RARB: variants seen among roughly 807,000 people sequenced by gnomAD.
RARB encodes HBV-activated protein.
A neutral mutation model predicts 51.9 loss-of-function variants in RARB; 17 were observed. The observed-to-expected ratio is 0.33, with a 90% confidence interval of 0.22 to 0.49. RARB has a LOEUF of 0.49. RARB is among the 20% of genes least tolerant of loss of function. The pLI is 0.99. For synonymous variants in RARB, 215 were observed against 195.4 expected (o/e 1.10, Z -0.84); for missense variants, 369 against 550.8 (o/e 0.67, Z 3.30).
chr3:25,140,725 A>G (rs1008594415), intron 4 of RARB, among the ~76,000 whole-genome samples: 1 of 152,210 alleles, frequency 6.6e-6, no homozygotes, highest in African/African-American at 2.4e-5. Flanking sequence ...ACAGCATTGC[A>G]TGTTACAGAG....
chr3:25,127,575 C>T (rs1306675434), intron 3 of RARB, among the ~76,000 whole-genome samples: 1 of 152,080 alleles, frequency 6.6e-6, no homozygotes, highest in Non-Finnish European at 1.5e-5. Context: ...TGGCTTCCCA[C>T]TACCACACTA....
At chr3:24,916,168 G>A (rs1215668781) in intron 2 of RARB, among the ~76,000 whole-genome samples, 2 of 152,128 alleles carry the variant, frequency 1.3e-5, no homozygotes, top group Non-Finnish European at 1.5e-5. Context: ...AAGACTCACA[G>A]AAAGCAGTAG....
At position 24,997,677 on chromosome 3, in the gene RARB, G is replaced by A. The variant is rs144170680; in HGVS notation, c.-379-62448G>A. On this transcript the variant is annotated intron_variant, in intron 2 of 11. Transcript: ENST00000383772. Reference sequence around the variant, plus strand: ...TAGTATTACAGGCGTGAGCCACTGCGCCCGACCTGATTTACTTTTTAATAT... The same window carrying A: ...TAGTATTACAGGCGTGAGCCACTGCACCCGACCTGATTTACTTTTTAATAT... 3.7e-3 allele frequency among the ~76,000 whole-genome samples: 564 copies of A among 152,060 alleles called. 3 individuals carry two copies. The highest frequency in any genetic ancestry group is 0.013 in the African/African-American group (535 of 41,504).
intron 2 of RARB, among the ~76,000 whole-genome samples, chr3:24,862,342 G>C (rs889162799): frequency 3.3e-5 from 5 of 152,150 alleles, no homozygotes; most frequent in African/African-American, 1.2e-4. Flanking sequence ...TCAAGGAAAC[G>C]AATGTCCAAA....
chr3:25,199,583 C>G (rs1015369814), intron 5 of RARB, among the ~76,000 whole-genome samples: 3 of 152,046 alleles, frequency 2.0e-5, no homozygotes, highest in African/African-American at 2.4e-5. Flanking sequence ...GGTATATTTC[C>G]TAATGCTATC....
At chr3:25,513,131 A>AC (rs1383687072) in intron 3 of RARB, among the ~76,000 whole-genome samples, 1 of 150,890 alleles carries the variant, frequency 6.6e-6, no homozygotes, top group Non-Finnish European at 1.5e-5. Context: ...AAAAAAAAAA[A>AC]AAAAAAGTAG....
chr3:25,017,218 C>CG (rs935751376), intron 2 of RARB, among the ~76,000 whole-genome samples: 1 of 148,292 alleles, frequency 6.7e-6, no homozygotes, highest in Admixed American at 6.7e-5. Context: ...GCTTTCCCCC[C>CG]CCCTTTCAGA....
chr3:24,885,630 G>A (rs1012852714), intron 2 of RARB, among the ~76,000 whole-genome samples: 1 of 152,140 alleles, frequency 6.6e-6, no homozygotes, highest in African/African-American at 2.4e-5. Context: ...AGAAATTTCA[G>A]AATCCTAATT....
At chr3:24,855,978 C>A (rs1319151899) in intron 1 of RARB, among the ~76,000 whole-genome samples, 2 of 152,030 alleles carry the variant, frequency 1.3e-5, no homozygotes, top group Admixed American at 1.3e-4. Context: ...TCTCAATCTC[C>A]TGACCTTGTG....
chr3:25,337,303 T>C (rs1317728270), intron 5 of RARB, among the ~76,000 whole-genome samples: 1 of 152,200 alleles, frequency 6.6e-6, no homozygotes, highest in African/African-American at 2.4e-5. Context: ...AAGTATTGTA[T>C]GTATAAACAT....
rs576161006 is a variant in RARB at position 24,850,746 on chromosome 3, G to T, written c.-458-7928G>T. 2.0e-5 allele frequency among the ~76,000 whole-genome samples: 3 copies of T among 152,284 alleles called. No individual in the cohort carries two copies. In the East Asian group the frequency reaches 5.8e-4, roughly 29 times the overall value. ...CTAAAGTTAATAACCTAGCGCATAGGAATCACCTGAGAGACTGTTCAAATG... is the reference window on the plus strand; with the variant it reads ...CTAAAGTTAATAACCTAGCGCATAGTAATCACCTGAGAGACTGTTCAAATG... On this transcript the variant is annotated intron_variant, in intron 1 of 11. Transcript: ENST00000383772.
At chr3:25,062,216 G>T (rs114731357) in intron 3 of RARB, among the ~76,000 whole-genome samples, 4,716 of 151,624 alleles carry the variant, frequency 0.031, 112 homozygotes, top group Non-Finnish European at 0.05. Context: ...AAATAGCGAC[G>T]GCCAGTAAAG....
chr3:25,589,454 A>G (rs1251541966), intron 5 of RARB, among the ~76,000 whole-genome samples: 4 of 152,224 alleles, frequency 2.6e-5, no homozygotes, highest in African/African-American at 9.6e-5. Flanking sequence ...ATTTTGGACA[A>G]CATGCTCTGG....
At chr3:24,995,272 T>TA (rs1696997846) in intron 2 of RARB, among the ~76,000 whole-genome samples, 1 of 151,836 alleles carries the variant, frequency 6.6e-6, no homozygotes, top group African/African-American at 2.4e-5. Context: ...GCCTTTTTTA[T>TA]GTCTTTTTTT....
intron 3 of RARB, among the ~76,000 whole-genome samples, chr3:25,090,870 G>T (rs1056305058): frequency 5.3e-5 from 8 of 152,024 alleles, no homozygotes; most frequent in African/African-American, 1.9e-4. Context: ...TTCATGTGGG[G>T]GAAAGAGATG....
At chr3:25,529,083 T>G (rs945248198) in intron 3 of RARB, among the ~76,000 whole-genome samples, 2 of 151,764 alleles carry the variant, frequency 1.3e-5, no homozygotes, top group Non-Finnish European at 2.9e-5. Context: ...AGATGAGGAG[T>G]AATTAGAATA....
chr3:24,948,689 TG>T (rs1390890011), intron 2 of RARB, among the ~76,000 whole-genome samples: 4 of 152,138 alleles, frequency 2.6e-5, no homozygotes. Context: ...GGGAGGGGAT[TG>T]GATCGTGGGG....
chr3:25,336,971 G>A lies in RARB; in HGVS notation c.179-124222G>A, dbSNP rs138738631. ...ATGAAGCTGGGCAGAGTGTGTGGACGAGTTCAATAATTATTTATAAATCGC... is the reference window on the plus strand; with the variant it reads ...ATGAAGCTGGGCAGAGTGTGTGGACAAGTTCAATAATTATTTATAAATCGC... On this transcript the variant is annotated intron_variant, in intron 5 of 11. Transcript: ENST00000383772. Among the ~76,000 whole-genome samples the A allele has an allele frequency of 6.8e-4, 104 of 152,204 alleles. No individual in the cohort carries two copies. The East Asian group carries it at 9.1e-3, about 13-fold the overall frequency.
chr3:25,197,653 A>G (rs1701278859), intron 5 of RARB, among the ~76,000 whole-genome samples: 2 of 152,012 alleles, frequency 1.3e-5, no homozygotes, highest in Non-Finnish European at 2.9e-5. Flanking sequence ...TAGCAAAAAA[A>G]CTTGAAAAGG....
Sources: allele counts gnomAD v4.1 joint callset (sites outside exome capture counted in the v4.1 genomes callset), GRCh38; gene constraint gnomAD v4.1.1; transcripts MANE v1.5; gene names NCBI Gene and HGNC (gene_info 2026-07-23, HGNC 2026-07-21).